The following RGS7BP variants were observed in gnomAD, a reference collection of about 807,000 sequenced individuals.
RGS7BP encodes the protein regulator of G protein signaling 7-binding protein.
A neutral mutation model predicts 31.3 loss-of-function variants in RGS7BP; 9 were observed. That is an observed-to-expected ratio of 0.29 (90% CI 0.17 to 0.50). The LOEUF is 0.50. Ranked by LOEUF, RGS7BP falls within the 20% of genes least tolerant of loss-of-function variation. RGS7BP has a pLI of 0.98. For synonymous variants in RGS7BP, 115 were observed against 120.1 expected, an observed-to-expected ratio of 0.96 and a Z score of 0.28; for missense variants, 274 against 322.0, an observed-to-expected ratio of 0.85 and a Z score of 1.14.
intron 2 of RGS7BP, among the ~76,000 whole-genome samples, chr5:64,527,395 G>T (rs1309669931): frequency 6.6e-6 from 1 of 152,150 alleles, no homozygotes; most frequent in Non-Finnish European, 1.5e-5. Context: ...CAGGTGATTT[G>T]AGAATCTGCA....
chr5:64,606,415 C>T (rs1743367826), intron 5 of RGS7BP, among the ~76,000 whole-genome samples: 1 of 151,814 alleles, frequency 6.6e-6, no homozygotes, highest in Non-Finnish European at 1.5e-5. Flanking sequence ...GAAGGAGATA[C>T]CAGAATTTAG....
rs773377292 is a variant in RGS7BP, at chr5:64,506,645, G to T, written c.21G>T (p.Gly7=). 5 of 1,610,962 alleles carry T rather than the reference G, an allele frequency of 3.1e-6. No individual in the cohort carries two copies. Among genetic ancestry groups the T allele is most frequent in the Non-Finnish European group, 3.4e-6 (4 of 1,178,234 alleles). ...TATGCATGAGTTCTGCACCGAATGG[G>T]CGCAAAAAGCGCCCCAGCCGGTCCA... The part of the protein sequence containing the change: MSSAPN[G]RKKRPSRSTR... Residue 7 remains glycine (G), a synonymous_variant, in exon 1 of 6, where the codon GGG becomes GGT. Coordinates refer to ENST00000334025, the MANE Select transcript of RGS7BP (RefSeq NM_001029875.3). This position sits in a 1 kb window ranked among gnomAD's most constrained non-coding sequence, Gnocchi z 4.6.
intron 2 of RGS7BP, among the ~76,000 whole-genome samples, chr5:64,555,114 C>G (rs1400172795): frequency 5.9e-5 from 9 of 151,886 alleles, no homozygotes; most frequent in Non-Finnish European, 1.0e-4. Flanking sequence ...TGGAATGATA[C>G]CACAAAATAC....
rs562695643 is a variant in RGS7BP, at chr5:64,546,412, T to C, written c.333-29362T>C. Among the ~76,000 whole-genome samples, 19 of 150,454 alleles carry C rather than the reference T, an allele frequency of 1.3e-4. No homozygotes were observed. The South Asian group carries it at 4.0e-3, about 32-fold the overall frequency. ...AAGACAGCGTCACAGAAGCAAGGAG[T>C]AGAGAATTTCAAGGAGGAGCAAGAG... On this transcript the variant is annotated intron_variant, in intron 2 of 5. Transcript: ENST00000334025.
intron 2 of RGS7BP, among the ~76,000 whole-genome samples, chr5:64,573,417 C>T (rs564412238): frequency 3.0e-4 from 46 of 152,190 alleles, no homozygotes; most frequent in African/African-American, 1.1e-3. Context: ...AGCTAAGCCC[C>T]ACTAGGCACA....
intron 2 of RGS7BP, among the ~76,000 whole-genome samples, chr5:64,532,375 C>T (rs984111388): frequency 2.0e-5 from 3 of 151,750 alleles, no homozygotes; most frequent in Non-Finnish European, 4.4e-5. Flanking sequence ...ACAGAAGAGC[C>T]CCGTAGAACA....
chr5:64,522,099 C>A (rs977971324), intron 2 of RGS7BP, among the ~76,000 whole-genome samples: 4 of 152,214 alleles, frequency 2.6e-5, no homozygotes, highest in African/African-American at 9.7e-5. Context: ...ACAACAGATT[C>A]TCTATCCTCA....
intron 2 of RGS7BP, among the ~76,000 whole-genome samples, chr5:64,547,639 A>G (rs571866201): frequency 6.6e-6 from 1 of 152,338 alleles, no homozygotes; most frequent in African/African-American, 2.4e-5. Flanking sequence ...ACTATAACAT[A>G]ATGATCAGAA....
At chr5:64,600,097 G>A (rs1743180570) in intron 5 of RGS7BP, among the ~76,000 whole-genome samples, 1 of 152,168 alleles carries the variant, frequency 6.6e-6, no homozygotes, top group Non-Finnish European at 1.5e-5. Context: ...ATGTCAGGCT[G>A]GTCTTGAGCC....
chr5:64,571,242 TG>T lies in RGS7BP; in HGVS notation c.333-4531del, dbSNP rs534506945. On this transcript the variant is annotated intron_variant, in intron 2 of 5. Transcript: ENST00000334025. ...CTTTTGTGATTTATCTATGTTGTTTTGAGGATCAGGAGTTAGCTTCTTTTAA... is the reference window on the plus strand; with the variant it reads ...CTTTTGTGATTTATCTATGTTGTTTTAGGATCAGGAGTTAGCTTCTTTTAA... 4.5e-3 allele frequency among the ~76,000 whole-genome samples: 686 copies of T among 152,310 alleles called. 7 individuals are homozygous for T. The highest frequency in any genetic ancestry group is 0.014 in the African/African-American group (598 of 41,572).
At chr5:64,585,958 C>T (rs1177326161) in intron 3 of RGS7BP, among the ~76,000 whole-genome samples, 3 of 152,006 alleles carry the variant, frequency 2.0e-5, no homozygotes, top group Non-Finnish European at 4.4e-5. Context: ...ATTTGTTCAC[C>T]GAGGCCTGAA....
In RGS7BP at chr5:64,556,417, CCACACACACACA is replaced by C. The variant is rs10624566; in HGVS notation, c.333-19324_333-19313del. On this transcript the variant is annotated intron_variant, in intron 2 of 5. Coordinates refer to ENST00000334025, the MANE Select transcript of RGS7BP (RefSeq NM_001029875.3). ...AAAAAAAAAAAGCAATCTTCCCCAG[CCACACACACACA>C]CACACACACACACACACACACACAC... 3.3e-4 allele frequency among the ~76,000 whole-genome samples: 42 copies of C among 125,428 alleles called. No homozygotes were observed. The South Asian group carries it at 6.2e-3, about 19-fold the overall frequency. 82.3% of individuals were successfully genotyped at this position (125,428 alleles called of 152,430 possible). A position where few individuals can be genotyped will look rare whatever the true frequency, so the allele number is the denominator to read the frequency against.
intron 3 of RGS7BP, among the ~76,000 whole-genome samples, chr5:64,585,041 T>G (rs1742705996): frequency 1.3e-5 from 2 of 152,340 alleles, no homozygotes; most frequent in South Asian, 4.1e-4. Flanking sequence ...CTAGCAGTTA[T>G]GAAAATGCAT....
At position 64,575,770 on chromosome 5, in the gene RGS7BP, G is replaced by A; in HGVS notation, c.333-4G>A. 1.2e-6 allele frequency: 2 copies of A among 1,603,724 alleles called. No homozygotes were observed. Among genetic ancestry groups the A allele is most frequent in the African/African-American group, 2.7e-5 (2 of 74,228 alleles). On this transcript the variant is annotated splice_polypyrimidine_tract_variant and splice_region_variant and intron_variant, in intron 2 of 5. Transcript: ENST00000334025. ...CACAGCTTTTCTCTTTCATTCTGTT[G>A]CAGCCCGGAAGATGGTGAGATCCAT...
intron 2 of RGS7BP, among the ~76,000 whole-genome samples, chr5:64,569,798 C>T (rs750931757): frequency 2.3e-4 from 35 of 152,190 alleles, no homozygotes; most frequent in Non-Finnish European, 4.6e-4. Context: ...CTGGAGCTCA[C>T]TCTCCTTGGA....
intron 3 of RGS7BP, among the ~76,000 whole-genome samples, chr5:64,592,663 A>G (rs1419669042): frequency 6.6e-6 from 1 of 152,152 alleles, no homozygotes; most frequent in Non-Finnish European, 1.5e-5. Context: ...CCTCAGGACA[A>G]GGAATAATAT....
chr5:64,574,659 G>A (rs549461737), intron 2 of RGS7BP, among the ~76,000 whole-genome samples: 1 of 152,218 alleles, frequency 6.6e-6, no homozygotes, highest in South Asian at 2.1e-4. Context: ...CTTGCTCATC[G>A]ACTAAATAAG....
chr5:64,573,606 A>G (rs1012367838), intron 2 of RGS7BP: 1 of 152,182 alleles, frequency 6.6e-6, no homozygotes, highest in African/African-American at 2.4e-5. Context: ...GAAATGATAC[A>G]GAAAAGATTA....
intron 2 of RGS7BP, among the ~76,000 whole-genome samples, chr5:64,560,343 GC>G (rs1424821125): frequency 5.3e-5 from 8 of 152,042 alleles, no homozygotes; most frequent in Non-Finnish European, 1.2e-4. Context: ...TAGGGATAGA[GC>G]CCTGCATTCT....
Sources: gnomAD v4.1 joint callset for allele counts (sites outside exome capture counted in the v4.1 genomes callset) on GRCh38, gnomAD v4.1.1 for gene constraint, Gnocchi (gnomAD v3.1) non-coding constraint, MANE v1.5 for transcripts, NCBI Gene and HGNC (gene_info 2026-07-23, HGNC 2026-07-21) for gene names.